Variants in RBFOX1 observed in about 807,000 individuals in gnomAD.
The protein encoded by RBFOX1 is RNA binding fox-1 homolog 1.
A neutral mutation model predicts 57.7 loss-of-function variants in RBFOX1; 8 were observed. That is an observed-to-expected ratio of 0.14 (90% confidence interval 0.08 to 0.25). The LOEUF (loss-of-function observed/expected upper bound fraction) is 0.25. RBFOX1 is among the 10% of genes least tolerant of loss of function. The probability of loss-of-function intolerance (pLI) is 1.00; values close to 1 mark genes in which losing one functional copy is unlikely to be tolerated. For synonymous variants in RBFOX1, 326 were observed against 222.4 expected (o/e 1.47, Z -4.15); for missense variants, 611 against 548.5 (o/e 1.11, Z -1.14).
At chr16:6,884,092 C>G (rs1183796557) in intron 3 of RBFOX1, among the ~76,000 whole-genome samples, 1 of 152,182 alleles carries the variant, frequency 6.6e-6, no homozygotes, top group African/African-American at 2.4e-5. Context: ...ATGCAAGCAC[C>G]TGCGATGCGC....
At chr16:6,500,688 G>C (rs1004973949) in intron 2 of RBFOX1, among the ~76,000 whole-genome samples, 1 of 151,344 alleles carries the variant, frequency 6.6e-6, no homozygotes, top group African/African-American at 2.4e-5. Context: ...ATTGAACTCA[G>C]GGTCTTAGAA....
intron 3 of RBFOX1, among the ~76,000 whole-genome samples, chr16:6,989,475 C>T (rs190992347): frequency 2.0e-5 from 3 of 152,194 alleles, no homozygotes; most frequent in Middle Eastern, 3.4e-3. Context: ...TTAATATCAT[C>T]CTCTGTAATT....
chr16:7,025,133 T>C (rs924395526), intron 3 of RBFOX1, among the ~76,000 whole-genome samples: 5 of 152,186 alleles, frequency 3.3e-5, no homozygotes, highest in Admixed American at 2.6e-4. Flanking sequence ...GTCCACTCCA[T>C]AGACAGAACA....
At chr16:7,555,261 G>A (rs2087971336) in intron 5 of RBFOX1, among the ~76,000 whole-genome samples, 2 of 152,104 alleles carry the variant, frequency 1.3e-5, no homozygotes, top group African/African-American at 2.4e-5. Flanking sequence ...CCCCATTTCT[G>A]TTGCAGCAAA....
intron 2 of RBFOX1, among the ~76,000 whole-genome samples, chr16:5,542,041 T>C (rs1213803352): frequency 6.6e-6 from 1 of 152,160 alleles, no homozygotes; most frequent in Non-Finnish European, 1.5e-5. Flanking sequence ...AAATATATAC[T>C]GATTTTCTTT....
chr16:5,795,672 A>G (rs1426872233), intron 3 of RBFOX1, among the ~76,000 whole-genome samples: 1 of 152,112 alleles, frequency 6.6e-6, no homozygotes, highest in East Asian at 1.9e-4. Flanking sequence ...ATCCTAACTC[A>G]AATATCATTT....
chr16:5,261,873 C>T (rs539011367), intron 1 of RBFOX1, among the ~76,000 whole-genome samples: 1 of 152,088 alleles, frequency 6.6e-6, no homozygotes, highest in Admixed American at 6.6e-5. Flanking sequence ...TTTGTAGTAA[C>T]CCCCTTTCCC....
At chr16:5,838,509 G>C (rs148361902) in intron 3 of RBFOX1, 10 of 155,526 alleles carry the variant, frequency 6.4e-5, no homozygotes, top group Admixed American at 5.2e-4. Flanking sequence ...AGCCGGGAAC[G>C]GGAAACTTGC....
intron 3 of RBFOX1, among the ~76,000 whole-genome samples, chr16:6,744,655 A>G (rs2073137538): frequency 2.0e-5 from 3 of 152,140 alleles, no homozygotes; most frequent in African/African-American, 7.2e-5. Flanking sequence ...ACAAAAATAT[A>G]CATAAGACAT....
chr16:5,663,515 A>G (rs548161983), intron 3 of RBFOX1, among the ~76,000 whole-genome samples: 1 of 152,194 alleles, frequency 6.6e-6, no homozygotes, highest in South Asian at 2.1e-4. Flanking sequence ...GAAAAATCCT[A>G]TTGAATAGCC....
At chr16:5,859,827 G>A (rs1005276894) in intron 3 of RBFOX1, among the ~76,000 whole-genome samples, 7 of 152,170 alleles carry the variant, frequency 4.6e-5, no homozygotes, top group African/African-American at 9.7e-5. Flanking sequence ...CTTAGTAACC[G>A]TTTATTATAC....
intron 3 of RBFOX1, among the ~76,000 whole-genome samples, chr16:6,886,660 C>T (rs865841297): frequency 6.6e-6 from 1 of 151,680 alleles, no homozygotes. Context: ...GAGGCTGAGG[C>T]ACAAGAATCG....
chr16:5,816,606 A>C (rs1380474092), intron 3 of RBFOX1, among the ~76,000 whole-genome samples: 3 of 152,160 alleles, frequency 2.0e-5, no homozygotes, highest in African/African-American at 7.2e-5. Flanking sequence ...CAACATAGTT[A>C]AACTTCGTTT....
At position 5,382,073 on chromosome 16, in the gene RBFOX1, C is replaced by G. The variant is rs552818720; in HGVS notation, c.220-85143C>G. On this transcript the variant is annotated intron_variant, in intron 1 of 2. Coordinates refer to the RBFOX1 transcript ENST00000585867. ...AGATGCCCCTGGGAGAACAAAATCA[C>G]CCCCCTGGTTGGGAAGCCCTGCAGA... Among the ~76,000 whole-genome samples, 13 of 152,314 alleles carry G rather than the reference C, an allele frequency of 8.5e-5. No homozygotes were observed. In the South Asian group the frequency reaches 2.1e-3, roughly 24 times the overall value.
chr16:7,530,999 C>A (rs1995669), intron 5 of RBFOX1, among the ~76,000 whole-genome samples: 4 of 152,022 alleles, frequency 2.6e-5, no homozygotes, highest in East Asian at 3.9e-4. Context: ...AGAAGTTCCA[C>A]GGGCAAGTTC....
intron 14 of RBFOX1, among the ~76,000 whole-genome samples, chr16:7,699,197 T>C (rs1383741311): frequency 6.6e-6 from 1 of 152,196 alleles, no homozygotes; most frequent in East Asian, 1.9e-4. Context: ...TCAGGGACCT[T>C]TTCTCTTTGA....
At chr16:7,185,055 G>C (rs1000533861) in intron 4 of RBFOX1, among the ~76,000 whole-genome samples, 29 of 152,132 alleles carry the variant, frequency 1.9e-4, no homozygotes, top group African/African-American at 6.8e-4. Context: ...ACTTGAAATT[G>C]TGCAGTAAGT....
chr16:6,896,063 A>T (rs1021803314), intron 3 of RBFOX1, among the ~76,000 whole-genome samples: 2 of 152,144 alleles, frequency 1.3e-5, no homozygotes, highest in African/African-American at 4.8e-5. Flanking sequence ...ATCTGAGCTT[A>T]GGAGTTTGGG....
chr16:7,588,623 C>A (rs2094261915), intron 7 of RBFOX1, among the ~76,000 whole-genome samples: 1 of 152,138 alleles, frequency 6.6e-6, no homozygotes, highest in African/African-American at 2.4e-5. Context: ...GATTTCAGCC[C>A]ATTGACTCTC....
Sources: gnomAD v4.1 joint callset for allele counts (sites outside exome capture counted in the v4.1 genomes callset) on GRCh38, gnomAD v4.1.1 for gene constraint, MANE v1.5 for transcripts, NCBI Gene and HGNC (gene_info 2026-07-23, HGNC 2026-07-21) for gene names.